The following HK1 variants were observed in gnomAD, a reference collection of about 807,000 sequenced individuals.
HK1 encodes hexokinase-1.
In HK1, 28 loss-of-function variants were observed where a neutral mutation model predicts 91.6. The ratio of observed to expected loss-of-function variants is 0.31; its 90% confidence interval spans 0.23 to 0.42. HK1 has a LOEUF of 0.42. Ranked by LOEUF, HK1 falls within the 10% of genes least tolerant of loss-of-function variation. HK1 has a pLI of 1.00. For missense variants in HK1, 770 were observed against 1,219.8 expected, an observed-to-expected ratio of 0.63 and a Z score of 5.49; for synonymous variants, 430 against 468.1, an observed-to-expected ratio of 0.92 and a Z score of 1.05.
chr10:69,382,204 C>T (rs1370007637), intron 9 of HK1, among the ~76,000 whole-genome samples: 2 of 152,126 alleles, frequency 1.3e-5, no homozygotes, highest in African/African-American at 4.8e-5. Context: ...GCCTGGGCAA[C>T]ATGGCGAAAC....
chr10:69,336,483 G>A (rs1011768665), intron 1 of HK1, among the ~76,000 whole-genome samples: 1 of 151,400 alleles, frequency 6.6e-6, no homozygotes, highest in Non-Finnish European at 1.5e-5. Flanking sequence ...GAGCCACCGC[G>A]CCTGGCCTAT....
At chr10:69,346,262 G>T (rs1364912145) in intron 2 of HK1, among the ~76,000 whole-genome samples, 2 of 152,174 alleles carry the variant, frequency 1.3e-5, no homozygotes, top group Non-Finnish European at 2.9e-5. Context: ...AGAATTAGTG[G>T]TAATCCCAAA....
intron 5 of HK1, among the ~76,000 whole-genome samples, chr10:69,302,498 C>T (rs924392024): frequency 4.0e-5 from 6 of 150,702 alleles, no homozygotes; most frequent in African/African-American, 1.2e-4. Context: ...CCTCAGCCTC[C>T]CAGGTATAAT....
chr10:69,363,525 T>C (rs886981308), intron 3 of HK1, among the ~76,000 whole-genome samples: 1 of 152,212 alleles, frequency 6.6e-6, no homozygotes, highest in Non-Finnish European at 1.5e-5. Flanking sequence ...ACTACAGGCA[T>C]GTGCCAGCAT....
chr10:69,299,655 C>T (rs572382919), intron 4 of HK1, among the ~76,000 whole-genome samples: 9 of 142,388 alleles, frequency 6.3e-5, no homozygotes, highest in South Asian at 4.5e-4. Flanking sequence ...TGAGCCACCG[C>T]GCCCAGCTTT....
intron 7 of HK1, 135 bp from the exon 8 acceptor site, chr10:69,376,799 T>G: frequency 4.5e-5 from 48 of 1,066,648 alleles, no homozygotes; most frequent in Non-Finnish European, 6.1e-5. Flanking sequence ...CTCAAGCACA[T>G]GGTTTTGCCT....
At position 69,380,271 on chromosome 10, in the gene HK1, G is replaced by A. The variant is rs553931975; in HGVS notation, c.1265+176G>A. Among the ~76,000 whole-genome samples the A allele has an allele frequency of 1.7e-4, 26 of 152,234 alleles. No homozygotes were observed. Among genetic ancestry groups the A allele is most frequent in the African/African-American group, 5.5e-4 (23 of 41,532 alleles). On this transcript the variant is annotated intron_variant, in intron 9 of 17. Coordinates refer to ENST00000359426, the MANE Select transcript of HK1 (RefSeq NM_000188.3). The surrounding 1 kb of genome is among the most constrained non-coding windows in gnomAD (Gnocchi z 4.0). ...TTTGAGAGGCCGAGGCAGGAGGAAG[G>A]AGTTTGAGAACAGCCTGGGCAACAT...
rs543927720 is a variant in HK1, at chr10:69,394,656, C to G, written c.2220-294C>G. Among the ~76,000 whole-genome samples, 156 of 152,246 alleles carry G rather than the reference C, an allele frequency of 1.0e-3. 1 individual carries two copies. The highest frequency in any genetic ancestry group is 3.5e-3 in the African/African-American group (144 of 41,550). On this transcript the variant is annotated intron_variant, in intron 15 of 17. Coordinates refer to ENST00000359426, the MANE Select transcript of HK1 (RefSeq NM_000188.3). ...AACCCAGGATCAGGAGGAGGACAGG[C>G]TCTCGGGGAAGTGACCTTGGGGCTG... is the stretch of plus-strand genomic sequence containing the variant.
At chr10:69,367,285 C>G (rs1379567358) in intron 4 of HK1, among the ~76,000 whole-genome samples, 2 of 152,192 alleles carry the variant, frequency 1.3e-5, no homozygotes, top group Non-Finnish European at 2.9e-5. Context: ...AATTTCCCAT[C>G]CAGAGGCCTG....
At chr10:69,396,286 AG>A (rs1365956019) in intron 16 of HK1, among the ~76,000 whole-genome samples, 11 of 149,652 alleles carry the variant, frequency 7.4e-5, no homozygotes, top group African/African-American at 2.7e-4. Flanking sequence ...AAAAAAAAAA[AG>A]AGAAAGAAAA....
rs907303881 is a variant in HK1 at position 69,318,868 on chromosome 10, C to A, written c.-80C>A. The A allele has an allele frequency of 2.0e-6, 3 of 1,510,464 alleles. No individual in the cohort carries two copies. Among genetic ancestry groups the A allele is most frequent in the Non-Finnish European group, 2.7e-6 (3 of 1,130,734 alleles). The allele number at this position is 1,510,464 out of a possible 1,614,324, so 93.6% of individuals were successfully genotyped here. On this transcript the variant is annotated 5_prime_UTR_variant, in exon 1 of 18. Coordinates refer to ENST00000359426, the MANE Select transcript of HK1 (RefSeq NM_000188.3). ...GGAGGAGGAGGAGCCGCCGAGCAGC[C>A]GCCGGAGGACCACGGCTCGCCAGGG...
At chr10:69,341,274 G>A (rs1279978001) in intron 1 of HK1, among the ~76,000 whole-genome samples, 5 of 151,506 alleles carry the variant, frequency 3.3e-5, no homozygotes, top group South Asian at 2.1e-4. Flanking sequence ...CAATCCTCCC[G>A]CCTCAGTCTC....
intron 7 of HK1, among the ~76,000 whole-genome samples, chr10:69,371,697 G>GT (rs956131141): frequency 3.9e-5 from 6 of 152,196 alleles, no homozygotes; most frequent in Admixed American, 1.3e-4. Flanking sequence ...TGGCTTGGGT[G>GT]TAAACTTGGA....
rs1346481668 is a variant in HK1, at chr10:69,283,814, AAAAG to A, written c.-215+1114_-215+1117del. ...ACTCTGTCTCAAAAAAAAAAAAAAA[AAAAG>A]AAAAGAAAAAAAGAAAAAGAAAATA... On this transcript the variant is annotated intron_variant, in intron 2 of 21. Coordinates refer to the HK1 transcript ENST00000360289. Among the ~76,000 whole-genome samples the A allele has an allele frequency of 2.9e-4, 43 of 150,060 alleles. 3 individuals are homozygous for A. The highest frequency in any genetic ancestry group is 2.7e-3 in the Admixed American group (41 of 15,104).
intron 1 of HK1, among the ~76,000 whole-genome samples, chr10:69,343,540 C>G (rs1168935036): frequency 6.6e-6 from 1 of 152,136 alleles, no homozygotes; most frequent in East Asian, 1.9e-4. Context: ...AACCTACCTC[C>G]ATCAAGTACT....
chr10:69,324,308 T>C (rs1231481655), intron 1 of HK1, among the ~76,000 whole-genome samples: 3 of 152,160 alleles, frequency 2.0e-5, no homozygotes, highest in African/African-American at 4.8e-5. Context: ...AAATATTTGC[T>C]GGCCGGGCGT....
intron 4 of HK1, among the ~76,000 whole-genome samples, chr10:69,297,372 G>A (rs1276218215): frequency 6.6e-6 from 1 of 152,152 alleles, no homozygotes; most frequent in East Asian, 1.9e-4. Context: ...CTCAGGGGTG[G>A]CAGAGGCAGA....
chr10:69,306,846 C>A (rs1350769917), intron 5 of HK1, among the ~76,000 whole-genome samples: 1 of 152,164 alleles, frequency 6.6e-6, no homozygotes, highest in Non-Finnish European at 1.5e-5. Context: ...TATGTAGGGA[C>A]AAAATGGGAG....
chr10:69,391,852 A>G (rs7081302), intron 14 of HK1, among the ~76,000 whole-genome samples: 6,196 of 152,274 alleles, frequency 0.041, 203 homozygotes, highest in African/African-American at 0.085. Context: ...GCCATCTTCT[A>G]TTAAAATAAA....
Sources: allele counts gnomAD v4.1 joint callset (sites outside exome capture counted in the v4.1 genomes callset), GRCh38; gene constraint gnomAD v4.1.1; non-coding constraint Gnocchi (gnomAD v3.1); transcripts MANE v1.5; gene names NCBI Gene and HGNC (gene_info 2026-07-23, HGNC 2026-07-21).